RAP1GAP2: variants seen among roughly 807,000 people sequenced by gnomAD.
RAP1GAP2 encodes rap1 GTPase-activating protein 2.
In RAP1GAP2, 27 loss-of-function variants were observed where a neutral mutation model predicts 95.0. The ratio of observed to expected loss-of-function variants is 0.28; its 90% CI spans 0.21 to 0.39. The LOEUF is 0.39. RAP1GAP2 is among the 10% of genes least tolerant of loss of function. The pLI is 1.00. For missense variants in RAP1GAP2, 771 were observed against 970.0 expected (o/e 0.79, Z 2.72); for synonymous variants, 373 against 380.9 (o/e 0.98, Z 0.24).
chr17:2,940,118 C>T (rs1303387924), intron 3 of RAP1GAP2, among the ~76,000 whole-genome samples: 1 of 152,114 alleles, frequency 6.6e-6, no homozygotes, highest in Non-Finnish European at 1.5e-5. Context: ...CCGTCCAGGC[C>T]CTGCTGCCTG....
intron 2 of RAP1GAP2, among the ~76,000 whole-genome samples, chr17:2,859,910 T>A (rs560978239): frequency 1.3e-5 from 2 of 152,248 alleles, no homozygotes; most frequent in African/African-American, 4.8e-5. Context: ...ACCATCAGAT[T>A]TGTTTTTTGT....
intron 10 of RAP1GAP2, among the ~76,000 whole-genome samples, chr17:2,981,544 G>T (rs1284989937): frequency 6.6e-6 from 1 of 152,170 alleles, no homozygotes; most frequent in Non-Finnish European, 1.5e-5. Flanking sequence ...CCTCCCTGAG[G>T]CCAGTGCTGG....
intron 2 of RAP1GAP2, among the ~76,000 whole-genome samples, chr17:2,897,368 G>C (rs936215171): frequency 2.0e-5 from 3 of 151,798 alleles, no homozygotes; most frequent in African/African-American, 7.3e-5. Flanking sequence ...CAAAAAAATG[G>C]GTGTCCAGAA....
intron 3 of RAP1GAP2, among the ~76,000 whole-genome samples, chr17:2,909,180 G>A (rs1039255136): frequency 4.6e-5 from 7 of 152,128 alleles, no homozygotes; most frequent in African/African-American, 7.2e-5. Flanking sequence ...GCGGCACCTC[G>A]AGGTGGTGCT....
At chr17:2,814,202 G>C (rs1255055212) in intron 2 of RAP1GAP2, among the ~76,000 whole-genome samples, 1 of 152,110 alleles carries the variant, frequency 6.6e-6, no homozygotes, top group Non-Finnish European at 1.5e-5. Context: ...TTTAAATCCT[G>C]ACTCTACCAG....
intron 2 of RAP1GAP2, among the ~76,000 whole-genome samples, chr17:2,894,828 G>A (rs886898470): frequency 1.3e-5 from 2 of 152,084 alleles, no homozygotes; most frequent in African/African-American, 4.8e-5. Context: ...GGCTGTGAGC[G>A]CAGTGGAGGG....
intron 2 of RAP1GAP2, among the ~76,000 whole-genome samples, chr17:2,838,696 G>A (rs2071250071): frequency 6.6e-6 from 1 of 152,166 alleles, no homozygotes; most frequent in African/African-American, 2.4e-5. Context: ...TGTAACCGGG[G>A]GAGATGACAT....
At chr17:2,863,242 G>A (rs1230032074) in intron 2 of RAP1GAP2, among the ~76,000 whole-genome samples, 3 of 152,104 alleles carry the variant, frequency 2.0e-5, no homozygotes, top group Admixed American at 6.6e-5. Context: ...CTCCTTCCAG[G>A]CAGACTAGTG....
Position 3,030,839 on chromosome 17 carries a change from CT to C in RAP1GAP2, c.2108-82del, listed in dbSNP as rs372820333. ...GTGGAGGGCAGGAGGCCCCCTTCCC[CT>C]GGCCTCCCTAGCCAGTCCCCACACA... On this transcript the variant is annotated intron_variant, in intron 22 of 24. Coordinates refer to ENST00000254695, the MANE Select transcript of RAP1GAP2 (RefSeq NM_015085.5). The C allele has an allele frequency of 6.6e-4, 892 of 1,354,022 alleles. 8 individuals carry two copies. In the South Asian group the frequency reaches 0.011, roughly 16 times the overall value. The allele number at this position is 1,354,022 out of a possible 1,614,324, so 83.9% of individuals were successfully genotyped here. A position where few individuals can be genotyped will look rare whatever the true frequency, so the allele number is the denominator to read the frequency against.
rs2044554622 is a variant in RAP1GAP2, at chr17:2,965,554, T to G, written c.507T>G (p.Phe169Leu). Residue 169 changes from phenylalanine to leucine, a missense_variant, in exon 8 of 25, where the codon TTT becomes TTG. By Grantham distance (22) the Phe-to-Leu change is conservative (BLOSUM62 0). Transcript: ENST00000254695. The surrounding 1 kb of genome is among the most constrained non-coding windows in gnomAD (Gnocchi z 4.7). ...TCTTTTTTTAGGATCATCTAAACTTTTACTGTACCGGCAGCAGCCTGGGGA... is the reference window on the plus strand; with the variant it reads ...TCTTTTTTTAGGATCATCTAAACTTGTACTGTACCGGCAGCAGCCTGGGGA... ...RHFLGKDHLNFYCTGSSLGNL... is the reference protein window; with the variant it reads ...RHFLGKDHLNLYCTGSSLGNL... 6.2e-7 allele frequency: 1 copy of G among 1,611,990 alleles called. No homozygotes were observed. Among genetic ancestry groups the G allele is most frequent in the African/African-American group, 1.3e-5 (1 of 75,002 alleles).
intron 12 of RAP1GAP2, among the ~76,000 whole-genome samples, chr17:2,993,235 G>A (rs1304099472): frequency 1.4e-5 from 2 of 146,442 alleles, no homozygotes; most frequent in African/African-American, 2.5e-5. Context: ...AAAAAAAAAA[G>A]GAGGTAAAGA....
chr17:2,869,122 G>A (rs1430563071), intron 2 of RAP1GAP2, among the ~76,000 whole-genome samples: 1 of 152,012 alleles, frequency 6.6e-6, no homozygotes, highest in East Asian at 1.9e-4. Context: ...CCTCCCAAAG[G>A]CCCCTCTTCC....
Position 2,981,590 on chromosome 17 carries a change from G to T in RAP1GAP2, c.729+342G>T, listed in dbSNP as rs531438976. On this transcript the variant is annotated intron_variant, in intron 10 of 24. Coordinates refer to ENST00000254695, the MANE Select transcript of RAP1GAP2 (RefSeq NM_015085.5). The stretch of plus-strand genomic sequence containing the variant: ...GACTCTGTAGCTGGGGGCTGGTGCA[G>T]ATCCAGTCTGCTGTCACAGAGGGGC... Among the ~76,000 whole-genome samples the T allele has an allele frequency of 1.6e-4, 24 of 152,264 alleles. No individual in the cohort carries two copies. In the South Asian group the frequency reaches 5.0e-3, roughly 32 times the overall value.
At chr17:2,995,296 A>G in intron 12 of RAP1GAP2, 41 bp from the exon 13 acceptor site, 1 of 1,601,750 alleles carries the variant, frequency 6.2e-7, no homozygotes, top group East Asian at 2.2e-5. Flanking sequence ...ACTTTGCCTC[A>G]CTCTCTTTTC....
intron 2 of RAP1GAP2, among the ~76,000 whole-genome samples, chr17:2,884,640 C>T (rs1262878162): frequency 2.0e-5 from 3 of 151,990 alleles, no homozygotes; most frequent in Non-Finnish European, 4.4e-5. Context: ...TCCCAAAATC[C>T]TGGGATTACA....
In RAP1GAP2 at chr17:3,029,106, T is replaced by G. The variant is rs2047215185; in HGVS notation, c.2108-1816T>G. Among the ~76,000 whole-genome samples the G allele has an allele frequency of 1.3e-5, 2 of 151,232 alleles. No individual in the cohort carries two copies. Among genetic ancestry groups the G allele is most frequent in the Admixed American group, 1.3e-4 (2 of 15,232 alleles). On this transcript the variant is annotated intron_variant, in intron 22 of 24. Transcript: ENST00000254695. The surrounding 1 kb of genome is among the most constrained non-coding windows in gnomAD (Gnocchi z 4.4). ...AGCCACCGCGCCTGACCTGGTGTTT[T>G]TGTTTTGTTTTGTTTTGTTTTCTAA... is the stretch of plus-strand genomic sequence containing the variant.
intron 3 of RAP1GAP2, among the ~76,000 whole-genome samples, chr17:2,924,732 TA>T (rs2042897042): frequency 6.6e-6 from 1 of 152,112 alleles, no homozygotes; most frequent in Non-Finnish European, 1.5e-5. Flanking sequence ...AACGTGATGT[TA>T]AAAAAGTCAT....
intron 2 of RAP1GAP2, among the ~76,000 whole-genome samples, chr17:2,897,728 T>C (rs1185069470): frequency 2.0e-5 from 3 of 152,096 alleles, no homozygotes; most frequent in East Asian, 3.9e-4. Context: ...GGCCTCTTCC[T>C]TGGAGAAGAG....
intron 1 of RAP1GAP2, among the ~76,000 whole-genome samples, chr17:2,790,411 A>G (rs178580): frequency 0.97 from 147,988 of 152,264 alleles, 72,054 homozygotes; most frequent in South Asian, 1. Context: ...GAGCCACCGC[A>G]CCCGACCTCT....
Sources: gnomAD v4.1 joint callset for allele counts (sites outside exome capture counted in the v4.1 genomes callset) on GRCh38, gnomAD v4.1.1 for gene constraint, Gnocchi (gnomAD v3.1) non-coding constraint, MANE v1.5 for transcripts, NCBI Gene and HGNC (gene_info 2026-07-23, HGNC 2026-07-21) for gene names.